Variants in GLIS3 observed in about 807,000 individuals in gnomAD.
The protein encoded by GLIS3 is GLIS family zinc finger 3, also known as zinc finger protein GLIS3.
A neutral mutation model predicts 78.6 loss-of-function variants in GLIS3; 53 were observed. The observed-to-expected ratio is 0.67, with a 90% confidence interval of 0.54 to 0.85. The LOEUF (loss-of-function observed/expected upper bound fraction) is 0.85, where lower values mean the gene tolerates loss of function less well. Ranked by LOEUF, GLIS3 falls within the 40% of genes least tolerant of loss-of-function variation. The pLI is 0.00. For synonymous variants in GLIS3, 684 were observed against 509.9 expected, an observed-to-expected ratio of 1.34 and a Z score of -4.60; for missense variants, 1,703 against 1,231.1, an observed-to-expected ratio of 1.38 and a Z score of -5.74.
At chr9:4,395,769 CTTTTTTTCTTT>C in the GLIS3 span, among the ~76,000 whole-genome samples, 1 of 145,796 alleles carries the variant, frequency 6.9e-6, no homozygotes, top group Non-Finnish European at 1.5e-5. Context: ...TTTCTTTTTT[CTTTTTTTCTTT>C]TTTTTTTTTT....
chr9:4,339,629 C>G (rs759975541), intron 2 of GLIS3, among the ~76,000 whole-genome samples: 7 of 149,370 alleles, frequency 4.7e-5, no homozygotes, highest in Admixed American at 2.7e-4. Context: ...TCAGGTAAAG[C>G]TAATCAGACT....
chr9:4,034,302 G>GA (rs1035103020), intron 4 of GLIS3, among the ~76,000 whole-genome samples: 9 of 151,806 alleles, frequency 5.9e-5, no homozygotes, highest in South Asian at 4.2e-4. Context: ...GTTAGAAACA[G>GA]AAAAAAAAGT....
chr9:4,404,552 C>G, the GLIS3 span, among the ~76,000 whole-genome samples: 1 of 152,108 alleles, frequency 6.6e-6, no homozygotes, highest in Admixed American at 6.6e-5. Context: ...AACTTGAAAT[C>G]AGTAACAAAA....
the GLIS3 span, among the ~76,000 whole-genome samples, chr9:4,383,473 C>T: frequency 6.6e-6 from 1 of 152,290 alleles, no homozygotes; most frequent in East Asian, 1.9e-4. Context: ...TAACATAGAA[C>T]TCTTCACTTC....
the GLIS3 span, among the ~76,000 whole-genome samples, chr9:4,489,560 T>A: frequency 6.6e-6 from 1 of 152,018 alleles, no homozygotes; most frequent in Non-Finnish European, 1.5e-5. Context: ...AGTGAAAAAA[T>A]TGGGTAGAAA....
rs762650862 is a variant in GLIS3 at position 3,879,440 on chromosome 9, C to T, written c.2284G>A (p.Ala762Thr). ...AGATGGCCTTACCTCTCAGCTCCTGCGTCCACAGCTGTGAGTGGAGGTAAC... is the reference window on the plus strand; with the variant it reads ...AGATGGCCTTACCTCTCAGCTCCTGTGTCCACAGCTGTGAGTGGAGGTAAC... The part of the protein sequence containing the change: ...SQLPPLTAVD[A>T]GAERFAPSAP... The change falls in exon 8 of 11, where the codon GCA becomes ACA. Residue 762 changes from alanine (A) to threonine (T), a missense_variant. By Grantham distance (58) the Ala-to-Thr change is moderately conservative (BLOSUM62 0). Coordinates refer to ENST00000381971, the MANE Select transcript of GLIS3 (RefSeq NM_001042413.2). The T allele has an allele frequency of 2.6e-5, 42 of 1,613,932 alleles. No individual in the cohort carries two copies. In the East Asian group the frequency reaches 3.6e-4, roughly 14 times the overall value.
At chr9:3,966,349 A>G (rs1588335304) in intron 4 of GLIS3, among the ~76,000 whole-genome samples, 2 of 152,280 alleles carry the variant, frequency 1.3e-5, no homozygotes, top group South Asian at 4.1e-4. Context: ...TGCAGGAAAT[A>G]TTTATTGAGC....
At chr9:4,045,209 T>C (rs1360191876) in intron 4 of GLIS3, among the ~76,000 whole-genome samples, 2 of 152,202 alleles carry the variant, frequency 1.3e-5, no homozygotes, top group African/African-American at 4.8e-5. Flanking sequence ...ATCCTTATCG[T>C]AAGCCCTATT....
intron 4 of GLIS3, among the ~76,000 whole-genome samples, chr9:4,110,533 G>A (rs1295521795): frequency 6.6e-6 from 1 of 152,114 alleles, no homozygotes; most frequent in East Asian, 1.9e-4. Context: ...AAACACACAG[G>A]TTTCATTCCA....
At chr9:4,418,261 T>C in the GLIS3 span, among the ~76,000 whole-genome samples, 18 of 82,112 alleles carry the variant, frequency 2.2e-4, no homozygotes, top group African/African-American at 6.8e-4. Flanking sequence ...TCCACAAATA[T>C]GTATTGCAAA....
At chr9:4,136,983 G>A (rs1203831409) in intron 2 of GLIS3, among the ~76,000 whole-genome samples, 2 of 152,140 alleles carry the variant, frequency 1.3e-5, no homozygotes, top group African/African-American at 4.8e-5. Context: ...TGTGCTATAG[G>A]TAGTGGCGCA....
At chr9:4,378,865 C>T in the GLIS3 span, among the ~76,000 whole-genome samples, 26 of 152,112 alleles carry the variant, frequency 1.7e-4, no homozygotes, top group Non-Finnish European at 3.4e-4. Flanking sequence ...TGGGCATGGC[C>T]GACCTGGAGA....
intron 2 of GLIS3, among the ~76,000 whole-genome samples, chr9:4,160,098 A>G (rs1406189390): frequency 6.6e-6 from 1 of 152,260 alleles, no homozygotes; most frequent in Non-Finnish European, 1.5e-5. Context: ...AAAAGGAGAT[A>G]GCCTGCTAGA....
the GLIS3 span, among the ~76,000 whole-genome samples, chr9:4,474,888 G>A: frequency 1.3e-5 from 2 of 151,486 alleles, no homozygotes; most frequent in Non-Finnish European, 2.9e-5. Flanking sequence ...TTTTTACAGA[G>A]ACGGGGGCTC....
chr9:3,842,563 C>T (rs150611601), intron 9 of GLIS3, among the ~76,000 whole-genome samples: 47 of 152,228 alleles, frequency 3.1e-4, no homozygotes, highest in Middle Eastern at 3.4e-3. Flanking sequence ...GGGTTATCTC[C>T]GACTGGGGAG....
rs1200874376 is a variant in GLIS3 at position 3,951,870 on chromosome 9, ACACACACACACACACG to A, written c.1711-14697_1711-14682del. 4.5e-4 allele frequency among the ~76,000 whole-genome samples: 68 copies of A among 150,196 alleles called. 1 individual carries two copies. The highest frequency in any genetic ancestry group is 1.6e-3 in the African/African-American group (66 of 40,634). On this transcript the variant is annotated intron_variant, in intron 4 of 10. Transcript: ENST00000381971. Reference sequence around the variant, plus strand: ...CACACACACACACACACACACACACACACACACACACACACGCACGCACACACCCACTGGCCTTTCT... The same window carrying A: ...CACACACACACACACACACACACACACACGCACACACCCACTGGCCTTTCT...
At chr9:4,094,827 A>G (rs1256125351) in intron 4 of GLIS3, among the ~76,000 whole-genome samples, 1 of 152,214 alleles carries the variant, frequency 6.6e-6, no homozygotes, top group African/African-American at 2.4e-5. Flanking sequence ...AAACTAGGAC[A>G]AAATTTTAAA....
At position 4,312,061 on chromosome 9, in the gene GLIS3, C is replaced by T. The variant is rs75330553; in HGVS notation, n.265-1533G>A. Reference sequence around the variant, plus strand: ...GAGGCTTAGAATCTGGGTCACAAAACAATTTGTACAACAAACCCGCATGAC... The same window carrying T: ...GAGGCTTAGAATCTGGGTCACAAAATAATTTGTACAACAAACCCGCATGAC... On this transcript the variant is annotated intron_variant and non_coding_transcript_variant, in intron 2 of 4. Coordinates refer to the GLIS3 transcript ENST00000471664. Among the ~76,000 whole-genome samples, 683 of 152,266 alleles carry T rather than the reference C, an allele frequency of 4.5e-3. 4 individuals carry two copies. The highest frequency in any genetic ancestry group is 0.015 in the African/African-American group (634 of 41,548).
At chr9:4,446,503 AATT>A in the GLIS3 span, among the ~76,000 whole-genome samples, 2 of 145,862 alleles carry the variant, frequency 1.4e-5, no homozygotes, top group Non-Finnish European at 3.0e-5. Context: ...AAAATATCCA[AATT>A]TTTTTTTTTT....
Sources: allele counts gnomAD v4.1 joint callset (sites outside exome capture counted in the v4.1 genomes callset), GRCh38; gene constraint gnomAD v4.1.1; transcripts MANE v1.5; gene names NCBI Gene and HGNC (gene_info 2026-07-23, HGNC 2026-07-21).